The following NAV1 variants were observed in gnomAD, a reference collection of about 807,000 sequenced individuals.
NAV1 encodes the protein pore membrane and/or filament interacting like protein 3.
A neutral mutation model predicts 175.2 loss-of-function variants in NAV1; 18 were observed. The ratio of observed to expected loss-of-function variants is 0.10; its 90% CI spans 0.07 to 0.15. NAV1 has a LOEUF of 0.15. Ranked by LOEUF, NAV1 falls within the 10% of genes least tolerant of loss-of-function variation. The pLI, the probability that NAV1 is intolerant of heterozygous loss-of-function variation, is 1.00. For missense variants in NAV1, 1,731 were observed against 2,436.6 expected, an observed-to-expected ratio of 0.71 and a Z score of 6.10; for synonymous variants, 897 against 978.7, an observed-to-expected ratio of 0.92 and a Z score of 1.56.
At chr1:201,622,966 A>G in exon 1 of NAV1, 1 of 986,208 alleles carries the variant, frequency 1.0e-6, no homozygotes, top group Non-Finnish European at 1.2e-6. Context: ...CTCTTCCCAG[A>G]CCAGGATTCC....
chr1:201,696,857 C>T (rs76144127), intron 1 of NAV1, among the ~76,000 whole-genome samples: 3,107 of 152,296 alleles, frequency 0.02, 50 homozygotes, highest in Non-Finnish European at 0.032. Context: ...TTACCTCAGC[C>T]GCTGCATTGC....
intron 3 of NAV1, among the ~76,000 whole-genome samples, chr1:201,776,555 C>T (rs775860616): frequency 1.2e-4 from 18 of 150,796 alleles, no homozygotes; most frequent in Non-Finnish European, 2.4e-4. Flanking sequence ...GCAGGAGAAT[C>T]GCTTGAACCC....
intron 29 of NAV1, 56 bp downstream of exon 33, chr1:201,817,341 A>ACCAGC (rs1360185164): frequency 7.2e-6 from 11 of 1,526,162 alleles, no homozygotes; most frequent in African/African-American, 2.7e-5. Flanking sequence ...TGAATTATTG[A>ACCAGC]CCAGCAGGGT....
intron 15 of NAV1, among the ~76,000 whole-genome samples, chr1:201,802,136 C>CAAAAAAAAAAAAAAAAAAA (rs771631007): frequency 4.0e-3 from 81 of 20,158 alleles, no homozygotes; most frequent in South Asian, 9.5e-3. Context: ...GACTCCGTCT[C>CAAAAAAAAAAAAAAAAAAA]AAAAAAAAAA....
intron 1 of NAV1, among the ~76,000 whole-genome samples, chr1:201,550,010 CAAAA>C (rs1186985996): frequency 5.7e-5 from 1 of 17,694 alleles, no homozygotes. Context: ...GACTCCATCT[CAAAA>C]AAAAAAAAAA....
chr1:201,684,836 G>A (rs1315524617), intron 1 of NAV1, among the ~76,000 whole-genome samples: 5 of 150,840 alleles, frequency 3.3e-5, no homozygotes, highest in African/African-American at 9.7e-5. Flanking sequence ...GGTGGCGAGC[G>A]CCTGTAATCC....
intron 2 of NAV1, among the ~76,000 whole-genome samples, chr1:201,601,737 T>A (rs1318751758): frequency 2.0e-5 from 3 of 152,194 alleles, no homozygotes; most frequent in Non-Finnish European, 4.4e-5. Context: ...TGGAACTTTG[T>A]GAGAAGTATA....
Position 201,681,055 on chromosome 1 carries a change from T to C in NAV1, c.757+31630T>C, listed in dbSNP as rs542305057. Among the ~76,000 whole-genome samples the C allele has an allele frequency of 2.0e-5, 3 of 152,270 alleles. No individual in the cohort carries two copies. The East Asian group carries it at 5.8e-4, about 29-fold the overall frequency. The stretch of plus-strand genomic sequence containing the variant: ...CTTCATGAATGTTTCCTGACTTCCC[T>C]CCTTCCAGTTCACCCCCATACACTC... On this transcript the variant is annotated intron_variant, in intron 1 of 29. Transcript: ENST00000367296.
intron 3 of NAV1, among the ~76,000 whole-genome samples, chr1:201,751,178 A>C (rs1226208550): frequency 6.6e-6 from 1 of 152,220 alleles, no homozygotes; most frequent in African/African-American, 2.4e-5. Flanking sequence ...AGATAACAAA[A>C]ACTGTTCTGC....
At chr1:201,791,068 GAGGC>G (rs2102744007) in intron 13 of NAV1, 1 of 339,128 alleles carries the variant, frequency 2.9e-6, no homozygotes, top group Non-Finnish European at 5.5e-6. Flanking sequence ...GTTCTGCATG[GAGGC>G]AGAAACAACC....
At chr1:201,644,512 C>T (rs1668911312), upstream of NAV1, among the ~76,000 whole-genome samples, 1 of 152,100 alleles carries the variant, frequency 6.6e-6, no homozygotes, top group Non-Finnish European at 1.5e-5. Flanking sequence ...TCCTGGATGC[C>T]AAGATGGCTA....
In NAV1 at chr1:201,750,186, T is replaced by C. The variant is rs964137221; in HGVS notation, c.1227-30235T>C. On this transcript the variant is annotated intron_variant, in intron 3 of 29. Transcript: ENST00000367296. The surrounding 1 kb of genome is among the most constrained non-coding windows in gnomAD (Gnocchi z 4.1). ...GGTTCACTGGCAACTTTCTGTGTAA[T>C]TTTTTATAACAAAGACCTACCGCTG... Among the ~76,000 whole-genome samples the C allele has an allele frequency of 9.2e-5, 14 of 152,128 alleles. No individual in the cohort carries two copies. The highest frequency in any genetic ancestry group is 3.4e-4 in the African/African-American group (14 of 41,432).
chr1:201,618,627 C>A (rs2102270612), upstream of NAV1, among the ~76,000 whole-genome samples: 1 of 152,148 alleles, frequency 6.6e-6, no homozygotes, highest in Admixed American at 6.5e-5. Flanking sequence ...CCAAGGGGAT[C>A]CACCCTTGAG....
At chr1:201,816,806 G>A (rs1679062819) in intron 28 of NAV1, 1 of 353,422 alleles carries the variant, frequency 2.8e-6, no homozygotes, top group Non-Finnish European at 5.3e-6. Flanking sequence ...GGATTATATA[G>A]GCACGCACCG....
intron 6 of NAV1, 143 bp from the exon 11 acceptor site, chr1:201,783,263 T>C (rs1452218888): frequency 3.4e-6 from 3 of 879,610 alleles, no homozygotes; most frequent in African/African-American, 3.3e-5. Context: ...TTCCTTGCAT[T>C]GTATTTCACA....
At chr1:201,582,076 A>G (rs1558006247) in intron 1 of NAV1, among the ~76,000 whole-genome samples, 1 of 152,340 alleles carries the variant, frequency 6.6e-6, no homozygotes, top group East Asian at 1.9e-4. Context: ...AGACTGGGTG[A>G]CAGAGTGAGA....
At chr1:201,780,378 G>A in intron 3 of NAV1, 43 bp from the exon 8 acceptor site, 1 of 1,607,878 alleles carries the variant, frequency 6.2e-7, no homozygotes, top group Non-Finnish European at 8.5e-7. Flanking sequence ...TTTTGCCTGG[G>A]CTTCTGTTTT....
intron 1 of NAV1, among the ~76,000 whole-genome samples, chr1:201,543,861 G>A (rs1278815322): frequency 6.6e-6 from 1 of 152,016 alleles, no homozygotes; most frequent in Admixed American, 6.6e-5. Context: ...CCCGGCAACC[G>A]CCATTTTACT....
intron 2 of NAV1, among the ~76,000 whole-genome samples, chr1:201,640,233 G>T (rs1246641886): frequency 6.6e-6 from 1 of 152,188 alleles, no homozygotes; most frequent in Admixed American, 6.5e-5. Flanking sequence ...GTCTTCTGGG[G>T]CCAGAGAGGG....
Sources: allele counts gnomAD v4.1 joint callset (sites outside exome capture counted in the v4.1 genomes callset), GRCh38; gene constraint gnomAD v4.1.1; non-coding constraint Gnocchi (gnomAD v3.1); transcripts MANE v1.5; gene names NCBI Gene and HGNC (gene_info 2026-07-23, HGNC 2026-07-21).